SORCS2: variants seen among roughly 807,000 people sequenced by gnomAD.
SORCS2 encodes the protein VPS10 domain-containing receptor SorCS2.
In SORCS2, 100 loss-of-function variants were observed where a neutral mutation model predicts 141.6. That is an observed-to-expected ratio of 0.71 (90% CI 0.60 to 0.83). The LOEUF (loss-of-function observed/expected upper bound fraction) is 0.83. SORCS2 is among the 40% of genes least tolerant of loss of function. SORCS2 has a pLI of 0.00. For synonymous variants in SORCS2, 789 were observed against 676.9 expected, an observed-to-expected ratio of 1.17 and a Z score of -2.57; for missense variants, 1,646 against 1,560.2, an observed-to-expected ratio of 1.05 and a Z score of -0.93.
chr4:7,252,858 T>C (rs1458290125), intron 1 of SORCS2, among the ~76,000 whole-genome samples: 1 of 152,264 alleles, frequency 6.6e-6, no homozygotes, highest in Non-Finnish European at 1.5e-5. Flanking sequence ...AAAATCATTA[T>C]TGCATTCCGT....
chr4:7,378,003 A>G (rs1019327829), intron 1 of SORCS2, among the ~76,000 whole-genome samples: 3 of 152,216 alleles, frequency 2.0e-5, no homozygotes, highest in African/African-American at 7.2e-5. Context: ...ATAAGTCACA[A>G]TATACCCCGA....
At chr4:7,424,127 C>T (rs569518401) in intron 2 of SORCS2, among the ~76,000 whole-genome samples, 11 of 152,338 alleles carry the variant, frequency 7.2e-5, no homozygotes, top group Admixed American at 1.3e-4. Context: ...CTGGGTCTCA[C>T]ATTGTTCCTG....
chr4:7,706,619 G>A (rs1462764178), intron 14 of SORCS2, among the ~76,000 whole-genome samples: 12 of 147,926 alleles, frequency 8.1e-5, no homozygotes, highest in African/African-American at 2.8e-4. Context: ...GGATGAGGCT[G>A]GCCTCTGCCT....
At chr4:7,614,611 TATCCACC>T (rs1718635878) in intron 3 of SORCS2, among the ~76,000 whole-genome samples, 2 of 116,698 alleles carry the variant, frequency 1.7e-5, no homozygotes, top group East Asian at 2.5e-4. Flanking sequence ...CCTATCCACC[TATCCACC>T]ATCCACCCAT....
chr4:7,589,563 C>T (rs893775555), intron 3 of SORCS2, among the ~76,000 whole-genome samples: 11 of 152,092 alleles, frequency 7.2e-5, no homozygotes, highest in Admixed American at 2.6e-4. Context: ...CCACCATGCC[C>T]GGCTAACTTT....
intron 14 of SORCS2, among the ~76,000 whole-genome samples, chr4:7,711,897 T>G (rs1374432698): frequency 6.6e-6 from 1 of 152,124 alleles, no homozygotes; most frequent in African/African-American, 2.4e-5. Flanking sequence ...CACCTTTAGA[T>G]GTCCAGGCCT....
At chr4:7,453,438 G>C (rs1273783627) in intron 2 of SORCS2, among the ~76,000 whole-genome samples, 7 of 135,182 alleles carry the variant, frequency 5.2e-5, no homozygotes, top group South Asian at 5.2e-4. Context: ...GTTGGGGTCA[G>C]GTGCTGTGTT....
In SORCS2 at chr4:7,534,174, T is replaced by G. The variant is rs538926289; in HGVS notation, c.648+2545T>G. 7.2e-5 allele frequency among the ~76,000 whole-genome samples: 11 copies of G among 152,310 alleles called. No individual in the cohort carries two copies. The South Asian group carries it at 2.3e-3, about 32-fold the overall frequency. On this transcript the variant is annotated intron_variant, in intron 3 of 26. Transcript: ENST00000507866. ...ACTTTAAAGGAATGGGATGAATGAATGAGTGAATGAATGAGTGTCACAAAC... is the reference window on the plus strand; with the variant it reads ...ACTTTAAAGGAATGGGATGAATGAAGGAGTGAATGAATGAGTGTCACAAAC...
chr4:7,364,327 C>T (rs1179755525), intron 1 of SORCS2, among the ~76,000 whole-genome samples: 7 of 152,218 alleles, frequency 4.6e-5, no homozygotes, highest in Non-Finnish European at 1.0e-4. Flanking sequence ...TGTCTTTGGA[C>T]AGGGAAATGC....
intron 1 of SORCS2, among the ~76,000 whole-genome samples, chr4:7,369,078 G>A (rs558788909): frequency 1.3e-5 from 2 of 152,236 alleles, no homozygotes; most frequent in Admixed American, 1.3e-4. Flanking sequence ...AGGTCAAGGC[G>A]GGTGGATCAC....
chr4:7,712,033 C>G (rs963522117), intron 14 of SORCS2, among the ~76,000 whole-genome samples: 3 of 152,100 alleles, frequency 2.0e-5, no homozygotes, highest in Admixed American at 2.0e-4. Flanking sequence ...GCTTGGGGTT[C>G]AGGATGTTCA....
chr4:7,437,114 C>T (rs2109247395), intron 2 of SORCS2, among the ~76,000 whole-genome samples: 1 of 152,228 alleles, frequency 6.6e-6, no homozygotes, highest in African/African-American at 2.4e-5. Flanking sequence ...CTGGAGTTAG[C>T]ACAGACCCCA....
At chr4:7,632,641 A>T (rs907292612) in intron 3 of SORCS2, among the ~76,000 whole-genome samples, 1 of 152,126 alleles carries the variant, frequency 6.6e-6, no homozygotes. Context: ...GAGGGTGCGG[A>T]CTGCCGCAGA....
intron 1 of SORCS2, among the ~76,000 whole-genome samples, chr4:7,313,328 C>G (rs1468358529): frequency 6.6e-6 from 1 of 152,246 alleles, no homozygotes; most frequent in Non-Finnish European, 1.5e-5. Context: ...GTGCTGGGCT[C>G]TGGGGACACA....
At chr4:7,221,603 C>T (rs935629319) in intron 1 of SORCS2, among the ~76,000 whole-genome samples, 1 of 152,200 alleles carries the variant, frequency 6.6e-6, no homozygotes, top group Non-Finnish European at 1.5e-5. Context: ...CCACCCAGCC[C>T]TTAACATGCT....
At chr4:7,395,298 C>G (rs371388337) in intron 1 of SORCS2, among the ~76,000 whole-genome samples, 4 of 152,196 alleles carry the variant, frequency 2.6e-5, no homozygotes, top group Non-Finnish European at 5.9e-5. Context: ...GGAGCCCGAC[C>G]GTTGGGGATG....
At chr4:7,604,803 A>C (rs1375470241) in intron 3 of SORCS2, among the ~76,000 whole-genome samples, 1 of 152,200 alleles carries the variant, frequency 6.6e-6, no homozygotes, top group Non-Finnish European at 1.5e-5. Flanking sequence ...TAGCAGTGTG[A>C]GAACAGACTA....
At chr4:7,526,223 C>A (rs1219655560) in intron 2 of SORCS2, among the ~76,000 whole-genome samples, 1 of 152,280 alleles carries the variant, frequency 6.6e-6, no homozygotes, top group Non-Finnish European at 1.5e-5. Context: ...CACTGCAGAG[C>A]CCCACACCTT....
rs149756375 is a variant in SORCS2 at position 7,255,980 on chromosome 4, C to T, written c.480+62854C>T. On this transcript the variant is annotated intron_variant, in intron 1 of 26. Coordinates refer to ENST00000507866, the MANE Select transcript of SORCS2 (RefSeq NM_020777.3). ...GCCCTGGGGCTGGAGCGTGGGGACC[C>T]GGGATTGGTGCATGGGGACCCTGGG... Among the ~76,000 whole-genome samples the T allele has an allele frequency of 4.1e-3, 610 of 149,754 alleles. 4 individuals are homozygous for T. Among genetic ancestry groups the T allele is most frequent in the Non-Finnish European group, 6.6e-3 (447 of 67,302 alleles).
Sources: allele counts gnomAD v4.1 joint callset (sites outside exome capture counted in the v4.1 genomes callset), GRCh38; gene constraint gnomAD v4.1.1; transcripts MANE v1.5; gene names NCBI Gene and HGNC (gene_info 2026-07-23, HGNC 2026-07-21).